Variants in TLL2 observed in about 807,000 individuals in gnomAD.
The protein encoded by TLL2 is tolloid like 2.
TLL2 carries 106 observed loss-of-function variants against 123.0 expected under a neutral mutation model. The observed-to-expected ratio is 0.86, with a 90% confidence interval of 0.74 to 1.01. The LOEUF is 1.01. TLL2 is among the 50% of genes least tolerant of loss of function. The probability of loss-of-function intolerance (pLI) is 0.00; values close to 1 mark genes in which losing one functional copy is unlikely to be tolerated. For synonymous variants in TLL2, 494 were observed against 516.8 expected (o/e 0.96, Z 0.60); for missense variants, 1,332 against 1,336.7 (o/e 1.00, Z 0.06).
chr10:96,437,777 CCA>C (rs1259786899), intron 3 of TLL2, among the ~76,000 whole-genome samples: 1 of 152,130 alleles, frequency 6.6e-6, no homozygotes, highest in East Asian at 1.9e-4. Context: ...TATGGATGAA[CCA>C]CAGTTTGTTT....
intron 16 of TLL2, among the ~76,000 whole-genome samples, chr10:96,383,930 C>G (rs114094497): frequency 0.021 from 3,263 of 152,200 alleles, 131 homozygotes; most frequent in African/African-American, 0.075. Flanking sequence ...CACGCCCGGC[C>G]TAAACCTCTT....
chr10:96,402,655 G>A (rs566470295), intron 10 of TLL2, among the ~76,000 whole-genome samples: 33 of 152,300 alleles, frequency 2.2e-4, no homozygotes, highest in African/African-American at 7.7e-4. Flanking sequence ...CAGTAGACGT[G>A]CTCCTGTCCG....
intron 1 of TLL2, among the ~76,000 whole-genome samples, chr10:96,509,942 G>A (rs992743589): frequency 2.0e-5 from 3 of 152,066 alleles, no homozygotes; most frequent in Non-Finnish European, 2.9e-5. Context: ...GCGAGACTCC[G>A]TCTCAAAAAA....
rs1015684327 is a variant in TLL2 at position 96,406,256 on chromosome 10, C to T, written c.1165-922G>A. Among the ~76,000 whole-genome samples the T allele has an allele frequency of 2.6e-5, 4 of 152,198 alleles. No homozygotes were observed. The South Asian group carries it at 6.2e-4, about 24-fold the overall frequency. The stretch of plus-strand genomic sequence containing the variant: ...TGGCCCAGAGCAGAGTTCAGATTTC[C>T]CCTGGCCTTTCACCCCCACGCAAGT... On this transcript the variant is annotated intron_variant, in intron 9 of 20. Coordinates refer to ENST00000357947, the MANE Select transcript of TLL2 (RefSeq NM_012465.4).
At chr10:96,393,688 C>G (rs1433526599) in intron 13 of TLL2, among the ~76,000 whole-genome samples, 1 of 152,078 alleles carries the variant, frequency 6.6e-6, no homozygotes, top group African/African-American at 2.4e-5. Flanking sequence ...CAGAAGCTGA[C>G]CTGCTTTCAA....
rs774691905 is a variant in TLL2 at position 96,413,288 on chromosome 10, G to A, written c.952C>T (p.Arg318Cys). The part of the protein sequence containing the change: ...RGVFLDTILP[R>C]QDDNGVRPTI... ...GGCCTGACGCCATTGTCATCTTGACGGGGAAGGATGGTGTCTAAGAAAACT... is the reference window on the plus strand; with the variant it reads ...GGCCTGACGCCATTGTCATCTTGACAGGGAAGGATGGTGTCTAAGAAAACT... Residue 318 changes from arginine to cysteine, a missense_variant, in exon 8 of 21, where the codon CGT becomes TGT. Transcript: ENST00000357947. The A allele has an allele frequency of 8.7e-6, 14 of 1,614,016 alleles. No individual in the cohort carries two copies. Among genetic ancestry groups the A allele is most frequent in the East Asian group, 2.2e-5 (1 of 44,876 alleles).
chr10:96,382,993 A>T (rs181832950), intron 16 of TLL2, among the ~76,000 whole-genome samples: 5 of 151,644 alleles, frequency 3.3e-5, no homozygotes, highest in Non-Finnish European at 7.4e-5. Context: ...AGGATATTCC[A>T]GGGAGAGGGA....
rs775863282 is a variant in TLL2, at chr10:96,378,985, C to T, written c.2302G>A (p.Gly768Arg). The change falls in exon 17 of 21, where the codon GGG (glycine) becomes AGG (arginine). Residue 768 changes from glycine (G) to arginine (R), a missense_variant. Transcript: ENST00000357947. ...GCCTCACCCTCTTTGCAGTCATGCC[C>T]ATTCTCGTGGAGCCAGTAGCCGTTT... Reference protein sequence around the residue: ...CRNGYWLHENGHDCKEAGCAH... With the variant: ...CRNGYWLHENRHDCKEAGCAH... 2 of 1,614,218 alleles carry T rather than the reference C, an allele frequency of 1.2e-6. No individual in the cohort carries two copies. The highest frequency in any genetic ancestry group is 1.7e-6 in the Non-Finnish European group (2 of 1,180,034).
Position 96,384,754 on chromosome 10 carries a change from T to C in TLL2, c.2027A>G (p.Asp676Gly). Residue 676 changes from aspartate (D) to glycine (G), a missense_variant, in exon 16 of 21, where the codon GAC becomes GGC. Transcript: ENST00000357947. ...CAGGCCGCTGCGCACCTCTACAAAG[T>C]CGTACTTACAGACCTGCAAGGGAGC... ...ELEGNDVCKY[D>G]FVEVRSGLSP... 2.5e-6 allele frequency: 4 copies of C among 1,591,882 alleles called. No individual in the cohort carries two copies. Among genetic ancestry groups the C allele is most frequent in the Non-Finnish European group, 3.4e-6 (4 of 1,164,356 alleles).
intron 1 of TLL2, among the ~76,000 whole-genome samples, chr10:96,505,003 G>A (rs575233041): frequency 3.5e-4 from 53 of 151,738 alleles, no homozygotes; most frequent in Non-Finnish European, 5.3e-4. Context: ...GCGAGACTCC[G>A]TCTCAAAAAA....
In TLL2 at chr10:96,422,618, A is replaced by AGG. The variant is rs1846635957; in HGVS notation, c.747_748insCC (p.Phe250ProfsTer31). 1 of 1,613,818 alleles carries AGG rather than the reference A, an allele frequency of 6.2e-7. No homozygotes were observed. The highest frequency in any genetic ancestry group is 8.5e-7 in the Non-Finnish European group (1 of 1,180,000). ...TCTGGCCGGGTGTGTTCATGCCAAA[A>AGG]CCCAACCACATGGCCCAGCTCGTGA... On this transcript the variant is annotated frameshift_variant, in exon 6 of 21. Transcript: ENST00000357947. LOFTEE classifies it high-confidence loss of function.
chr10:96,391,525 T>C (rs1267059465), intron 13 of TLL2, among the ~76,000 whole-genome samples: 1 of 152,204 alleles, frequency 6.6e-6, no homozygotes, highest in Non-Finnish European at 1.5e-5. Flanking sequence ...CAGGTCTCCT[T>C]AGTGGAAACA....
chr10:96,380,898 A>T (rs1011041592), intron 16 of TLL2, among the ~76,000 whole-genome samples: 10 of 151,412 alleles, frequency 6.6e-5, no homozygotes, highest in Admixed American at 2.0e-4. Flanking sequence ...AATCGCTTGA[A>T]GCCAGGAGGC....
rs551398144 is a variant in TLL2 at position 96,476,042 on chromosome 10, CTCTT to C, written c.286+4303_286+4306del. ...GAACAGTGAGTCCAATTAACCCTCT[CTCTT>C]TTGTAAATTGCCCAGTCTCGGGTAC... On this transcript the variant is annotated intron_variant, in intron 2 of 20. Transcript: ENST00000357947. 5.1e-4 allele frequency among the ~76,000 whole-genome samples: 78 copies of C among 151,670 alleles called. 1 individual carries two copies. Among genetic ancestry groups the C allele is most frequent in the African/African-American group, 1.8e-3 (76 of 41,354 alleles).
At chr10:96,496,254 T>C (rs1847474104) in intron 1 of TLL2, among the ~76,000 whole-genome samples, 1 of 152,172 alleles carries the variant, frequency 6.6e-6, no homozygotes, top group South Asian at 2.1e-4. Context: ...CTCAACACAG[T>C]GTTACAGAGG....
intron 1 of TLL2, among the ~76,000 whole-genome samples, chr10:96,500,675 T>A (rs1847525444): frequency 1.3e-5 from 2 of 151,874 alleles, no homozygotes; most frequent in East Asian, 3.9e-4. Context: ...TAGTCCCAGG[T>A]ACTCAGGAGG....
chr10:96,402,922 A>G (rs1268535260), intron 10 of TLL2, among the ~76,000 whole-genome samples: 3 of 151,894 alleles, frequency 2.0e-5, no homozygotes, highest in South Asian at 4.1e-4. Flanking sequence ...CTTCTTTCCT[A>G]TCTCCATCTT....
At chr10:96,407,874 C>T (rs1218794881) in intron 9 of TLL2, among the ~76,000 whole-genome samples, 4 of 151,942 alleles carry the variant, frequency 2.6e-5, no homozygotes, top group Admixed American at 6.5e-5. Flanking sequence ...TGTGCGCACA[C>T]GTGTGTGCGT....
intron 2 of TLL2, among the ~76,000 whole-genome samples, chr10:96,476,234 A>ATTCTTTTT (rs1232966569): frequency 4.6e-5 from 1 of 21,524 alleles, no homozygotes; most frequent in African/African-American, 1.8e-4. Context: ...ATATATATAT[A>ATTCTTTTT]TATATATTTT....
Sources: gnomAD v4.1 joint callset for allele counts (sites outside exome capture counted in the v4.1 genomes callset) on GRCh38, gnomAD v4.1.1 for gene constraint, MANE v1.5 for transcripts, NCBI Gene and HGNC (gene_info 2026-07-23, HGNC 2026-07-21) for gene names.